The following DTNB variants were observed in gnomAD, a reference collection of about 807,000 sequenced individuals.
The protein encoded by DTNB is DTN-B.
Under a neutral mutation model 90.7 loss-of-function variants are expected in DTNB, and 63 were observed. The ratio of observed to expected loss-of-function variants is 0.69; its 90% CI spans 0.57 to 0.86. The LOEUF is 0.86. DTNB is among the 40% of genes least tolerant of loss of function. DTNB has a pLI of 0.00. For synonymous variants in DTNB, 277 were observed against 286.7 expected, an observed-to-expected ratio of 0.97 and a Z score of 0.34; for missense variants, 744 against 807.1, an observed-to-expected ratio of 0.92 and a Z score of 0.95.
intron 10 of DTNB, among the ~76,000 whole-genome samples, chr2:25,457,375 C>T (rs571464714): frequency 2.6e-5 from 4 of 152,122 alleles, no homozygotes; most frequent in Admixed American, 2.6e-4. Flanking sequence ...AAGGATCCCT[C>T]GTTCCGTTTA....
At chr2:25,425,191 T>C (rs572620070) in intron 15 of DTNB, among the ~76,000 whole-genome samples, 3 of 152,152 alleles carry the variant, frequency 2.0e-5, no homozygotes, top group Admixed American at 6.5e-5. Context: ...AGACATAAAA[T>C]ATTTCTGAGG....
At chr2:25,477,870 G>T (rs1345656668) in intron 10 of DTNB, among the ~76,000 whole-genome samples, 1 of 151,980 alleles carries the variant, frequency 6.6e-6, no homozygotes, top group East Asian at 1.9e-4. Context: ...CCTAGGGTTG[G>T]CTTTCTTCTG....
intron 5 of DTNB, among the ~76,000 whole-genome samples, chr2:25,599,961 G>T (rs2065504818): frequency 6.6e-6 from 1 of 152,082 alleles, no homozygotes; most frequent in African/African-American, 2.4e-5. Context: ...AGCTAGGCAT[G>T]GTGGCAGGTG....
intron 10 of DTNB, among the ~76,000 whole-genome samples, chr2:25,467,211 T>C (rs750733572): frequency 2.0e-5 from 3 of 152,198 alleles, no homozygotes; most frequent in Non-Finnish European, 4.4e-5. Context: ...GGGGCCAACA[T>C]TTGTACCTTT....
chr2:25,505,510 C>T (rs1424716459), intron 9 of DTNB, among the ~76,000 whole-genome samples: 4 of 151,978 alleles, frequency 2.6e-5, no homozygotes, highest in African/African-American at 7.3e-5. Context: ...TTCATTTGTA[C>T]CCACATCAAC....
At chr2:25,567,588 A>G (rs936381084) in intron 8 of DTNB, among the ~76,000 whole-genome samples, 2 of 152,256 alleles carry the variant, frequency 1.3e-5, no homozygotes, top group African/African-American at 4.8e-5. Context: ...AACTTTGTTC[A>G]GAGGTGGACT....
At chr2:25,389,604 G>A (rs951724802) in intron 16 of DTNB, among the ~76,000 whole-genome samples, 2 of 152,206 alleles carry the variant, frequency 1.3e-5, no homozygotes, top group Non-Finnish European at 2.9e-5. Flanking sequence ...TGTGGAAGGT[G>A]GACTAGGGTT....
Position 25,388,316 on chromosome 2 carries a change from C to T in DTNB, c.1621G>A (p.Gly541Ser), listed in dbSNP as rs201535119. ...SPHTSPTHGG[G>S]RPMPMPVRST... ...CGCACTGGCATGGGCATTGGCCGGC[C>T]GCCTCCATGGGTGGGCGATGTATGT... The change falls in exon 17 of 21, where the codon GGC becomes AGC. Residue 541 changes from glycine (G) to serine (S), a missense_variant. Coordinates refer to ENST00000406818, the MANE Select transcript of DTNB (RefSeq NM_021907.5). 1.5e-5 allele frequency: 25 copies of T among 1,613,278 alleles called. No homozygotes were observed. Among genetic ancestry groups the T allele is most frequent in the East Asian group, 6.7e-5 (3 of 44,868 alleles).
intron 8 of DTNB, among the ~76,000 whole-genome samples, chr2:25,574,068 T>A (rs2148099796): frequency 6.6e-6 from 1 of 152,310 alleles, no homozygotes; most frequent in Non-Finnish European, 1.5e-5. Context: ...TATCATTCTG[T>A]TCGCATTCCA....
intron 8 of DTNB, among the ~76,000 whole-genome samples, chr2:25,535,617 T>C (rs1670687): frequency 0.33 from 41,325 of 126,338 alleles, 7,300 homozygotes; most frequent in East Asian, 0.54. Context: ...GGGTGGCAGC[T>C]GGGCAGAGGC....
chr2:25,513,584 A>G (rs1254998771), intron 9 of DTNB, among the ~76,000 whole-genome samples: 2 of 152,058 alleles, frequency 1.3e-5, no homozygotes, highest in African/African-American at 4.8e-5. Flanking sequence ...TTAGCTGGGC[A>G]TGGCTGCGGG....
chr2:25,634,807 T>C (rs1394417562), intron 3 of DTNB, among the ~76,000 whole-genome samples: 1 of 113,190 alleles, frequency 8.8e-6, no homozygotes, highest in African/African-American at 2.8e-5. Context: ...CAGGGTTAAA[T>C]GGATTAAGGG....
At chr2:25,633,299 C>T (rs1386078693) in intron 3 of DTNB, among the ~76,000 whole-genome samples, 1 of 149,748 alleles carries the variant, frequency 6.7e-6, no homozygotes, top group Non-Finnish European at 1.5e-5. Flanking sequence ...CAGCGCCTGC[C>T]ATTGCAGGCG....
chr2:25,418,685 C>T (rs971327811), intron 16 of DTNB, among the ~76,000 whole-genome samples: 6 of 147,136 alleles, frequency 4.1e-5, no homozygotes, highest in African/African-American at 1.5e-4. Flanking sequence ...GGAGACAGAG[C>T]GAGACACCGT....
intron 11 of DTNB, among the ~76,000 whole-genome samples, chr2:25,454,367 C>A (rs1404542352): frequency 3.3e-5 from 5 of 152,092 alleles, no homozygotes; most frequent in African/African-American, 1.2e-4. Flanking sequence ...GATGACCCTC[C>A]CAAGGAGCCA....
chr2:25,506,129 CT>C (rs1197304125), intron 9 of DTNB, among the ~76,000 whole-genome samples: 1 of 152,056 alleles, frequency 6.6e-6, no homozygotes, highest in Non-Finnish European at 1.5e-5. Context: ...CACCCAGAGG[CT>C]GAGAAGGGTG....
chr2:25,416,388 T>C (rs2149771365), intron 16 of DTNB, among the ~76,000 whole-genome samples: 1 of 152,370 alleles, frequency 6.6e-6, no homozygotes, highest in South Asian at 2.1e-4. Context: ...TTTTAAAATT[T>C]TGGCCGGGCG....
chr2:25,438,173 G>A (rs1306785523), intron 12 of DTNB, among the ~76,000 whole-genome samples: 1 of 152,108 alleles, frequency 6.6e-6, no homozygotes, highest in Non-Finnish European at 1.5e-5. Context: ...TGGTAAGAGC[G>A]AGGCACGGGG....
intron 10 of DTNB, among the ~76,000 whole-genome samples, chr2:25,458,938 C>T (rs1328971865): frequency 6.6e-6 from 1 of 152,116 alleles, no homozygotes; most frequent in Non-Finnish European, 1.5e-5. Flanking sequence ...AGCCACCATG[C>T]CCAGCTCTAA....
Sources: gnomAD v4.1 joint callset for allele counts (sites outside exome capture counted in the v4.1 genomes callset) on GRCh38, gnomAD v4.1.1 for gene constraint, MANE v1.5 for transcripts, NCBI Gene and HGNC (gene_info 2026-07-23, HGNC 2026-07-21) for gene names.